CATSPERG: variants seen among roughly 807,000 people sequenced by gnomAD.
The protein encoded by CATSPERG is cation channel sperm-associated auxiliary subunit gamma.
Under a neutral mutation model 145.0 loss-of-function variants are expected in CATSPERG, and 115 were observed. The ratio of observed to expected loss-of-function variants is 0.79; its 90% CI spans 0.68 to 0.93. The LOEUF (loss-of-function observed/expected upper bound fraction) is 0.93. Among genes scored for constraint, CATSPERG ranks in the 40% least tolerant of loss-of-function variants. The pLI, the probability that CATSPERG is intolerant of heterozygous loss-of-function variation, is 0.00. For synonymous variants in CATSPERG, 588 were observed against 589.0 expected (o/e 1.00, Z 0.02); for missense variants, 1,296 against 1,490.1 (o/e 0.87, Z 2.14).
intron 7 of CATSPERG, chr19:38,349,657 T>TTG (rs1408916019): frequency 6.5e-6 from 1 of 152,728 alleles, no homozygotes; most frequent in East Asian, 1.9e-4. Flanking sequence ...TTTTTGTTTG[T>TTG]TTGTTTGTTT....
At chr19:38,369,757 G>A (rs1970513886) in intron 26 of CATSPERG, 1 of 593,276 alleles carries the variant, frequency 1.7e-6, no homozygotes, top group Non-Finnish European at 3.1e-6. Flanking sequence ...ACAGATGGAG[G>A]TGTGAAGGCA....
chr19:38,352,619 T>TTG, intron 8 of CATSPERG, 187 bp downstream of exon 8: 1 of 571,052 alleles, frequency 1.8e-6, no homozygotes, highest in East Asian at 3.1e-5. Context: ...TTTTTTTTTT[T>TTG]GCTGGGATGA....
In CATSPERG at chr19:38,337,432, T is replaced by C. The variant is rs374357740; in HGVS notation, c.198T>C (p.Phe66=). Residue 66 remains phenylalanine (F), a synonymous_variant, in exon 2 of 29, where the codon TTT becomes TTC. Transcript: ENST00000409235. The part of the protein sequence containing the change: ...VGESGVSDSF[F]EQEPVDTVSS... ...AGAGTGGTGTGAGCGACAGCTTCTTTGAGCAAGAGCCCGTGGACACAGTGA... is the reference window on the plus strand; with the variant it reads ...AGAGTGGTGTGAGCGACAGCTTCTTCGAGCAAGAGCCCGTGGACACAGTGA... 7 of 1,551,886 alleles carry C rather than the reference T, an allele frequency of 4.5e-6. No homozygotes were observed. Among genetic ancestry groups the C allele is most frequent in the East Asian group, 2.4e-5 (1 of 40,930 alleles).
intron 6 of CATSPERG, among the ~76,000 whole-genome samples, chr19:38,345,109 T>A (rs1407226812): frequency 1.3e-5 from 2 of 151,260 alleles, no homozygotes; most frequent in East Asian, 1.9e-4. Flanking sequence ...TATTATTATT[T>A]TTGAGACAGA....
At chr19:38,359,602 C>G (rs754493547) in intron 14 of CATSPERG, 21 bp downstream of exon 14, 9 of 1,596,284 alleles carry the variant, frequency 5.6e-6, no homozygotes, top group Non-Finnish European at 6.8e-6. Flanking sequence ...CCGCCCCTCT[C>G]CCCGTTCCCT....
chr19:38,358,195 T>G, intron 11 of CATSPERG, 83 bp from the exon 12 acceptor site: 4 of 1,412,646 alleles, frequency 2.8e-6, no homozygotes, highest in Non-Finnish European at 4.0e-6. Context: ...TACAGGAGGC[T>G]GAGAAGCAAA....
chr19:38,355,410 A>T (rs1970226330), intron 9 of CATSPERG, among the ~76,000 whole-genome samples: 1 of 151,294 alleles, frequency 6.6e-6, no homozygotes, highest in Non-Finnish European at 1.5e-5. Context: ...AAATAATTGA[A>T]GTACAGCTGG....
At chr19:38,351,123 C>T (rs1386760033) in intron 7 of CATSPERG, among the ~76,000 whole-genome samples, 1 of 152,184 alleles carries the variant, frequency 6.6e-6, no homozygotes, top group Non-Finnish European at 1.5e-5. Flanking sequence ...AAGATTCCTT[C>T]CACTTGGTAC....
intron 7 of CATSPERG, chr19:38,349,102 C>T (rs1446782286): frequency 3.3e-5 from 5 of 152,106 alleles, no homozygotes; most frequent in Non-Finnish European, 7.4e-5. Flanking sequence ...GTAGAAACTA[C>T]AAGAAGATCC....
Position 38,360,859 on chromosome 19 carries a change from A to G in CATSPERG, c.1880+16A>G, listed in dbSNP as rs1210916704. 6.3e-7 allele frequency: 1 copy of G among 1,589,248 alleles called. No individual in the cohort carries two copies. The highest frequency in any genetic ancestry group is 8.6e-7 in the Non-Finnish European group (1 of 1,163,188). On this transcript the variant is annotated intron_variant, in intron 16 of 28. Coordinates refer to ENST00000409235, the MANE Select transcript of CATSPERG (RefSeq NM_021185.5). ...AGCGGAAAGGGTGAGAAGACACCGGACCATGACAGGGGTCTGAGGGCTCCC... is the reference window on the plus strand; with the variant it reads ...AGCGGAAAGGGTGAGAAGACACCGGGCCATGACAGGGGTCTGAGGGCTCCC...
At chr19:38,363,029 T>C (rs1239650909) in intron 20 of CATSPERG, among the ~76,000 whole-genome samples, 197 bp downstream of exon 20, 1 of 151,786 alleles carries the variant, frequency 6.6e-6, no homozygotes, top group Admixed American at 6.6e-5. Flanking sequence ...CGCACCACAG[T>C]GCCCAGTGAA....
chr19:38,364,997 G>T (rs765824134), intron 21 of CATSPERG, 26 bp downstream of exon 21: 2 of 1,613,322 alleles, frequency 1.2e-6, no homozygotes, highest in Non-Finnish European at 1.7e-6. Context: ...GGAGGGGAGG[G>T]TGCAGGATGG....
At chr19:38,350,832 T>C (rs1970126571) in intron 7 of CATSPERG, among the ~76,000 whole-genome samples, 1 of 151,902 alleles carries the variant, frequency 6.6e-6, no homozygotes. Flanking sequence ...CTACTAAAAA[T>C]ACAAAAATTA....
At chr19:38,342,754 C>A (rs927787439) in intron 3 of CATSPERG, among the ~76,000 whole-genome samples, 1 of 151,872 alleles carries the variant, frequency 6.6e-6, no homozygotes, top group Non-Finnish European at 1.5e-5. Flanking sequence ...GCCTGAGTGC[C>A]GCCTTCTCTC....
At chr19:38,336,474 A>G (rs762557540) in intron 1 of CATSPERG, 68 of 296,470 alleles carry the variant, frequency 2.3e-4, no homozygotes, top group Non-Finnish European at 4.0e-4. Flanking sequence ...CAGAGTGAGG[A>G]GCAAGCCCCG....
At chr19:38,355,034 A>G (rs1034861534) in intron 9 of CATSPERG, among the ~76,000 whole-genome samples, 187 bp downstream of exon 9, 1 of 152,130 alleles carries the variant, frequency 6.6e-6, no homozygotes, top group African/African-American at 2.4e-5. Context: ...TGTATCTTTC[A>G]TGATGTACTT....
intron 1 of CATSPERG, 194 bp downstream of exon 1, chr19:38,336,069 G>C (rs1246426910): frequency 5.0e-6 from 2 of 399,850 alleles, no homozygotes; most frequent in East Asian, 8.7e-5. Context: ...AGGGAAAGGG[G>C]GAGCCGAACG....
rs201509272 is a variant in CATSPERG at position 38,355,351 on chromosome 19, GAACA to G, written c.1135+511_1135+514del. Among the ~76,000 whole-genome samples the G allele has an allele frequency of 3.4e-3, 482 of 141,542 alleles. 15 individuals carry two copies. The East Asian group carries it at 0.098, about 29-fold the overall frequency. The allele number at this position is 141,542 out of a possible 152,430, so 92.9% of individuals were successfully genotyped here. The stretch of plus-strand genomic sequence containing the variant: ...CAGAGTGAGACTCTGTCTCAAAAAC[GAACA>G]AACAAATCCCCCAAAAAAACAAAAA... On this transcript the variant is annotated intron_variant, in intron 9 of 28. Transcript: ENST00000409235.
rs145616447 is a variant in CATSPERG at position 38,361,744 on chromosome 19, C to A, written c.1977C>A (p.Arg659=). The change falls in exon 17 of 29, where the codon CGC becomes CGA. Residue 659 remains arginine, a synonymous_variant. Coordinates refer to ENST00000409235, the MANE Select transcript of CATSPERG (RefSeq NM_021185.5). ...CGCAGAGATACACGCGCCAGGAGCG[C>A]TACCGGGCGCGGCCGCCGCGCGTCC... The part of the protein sequence containing the change: ...PSPQRYTRQE[R]YRARPPRVLE... 0.031 allele frequency: 50,199 copies of A among 1,612,368 alleles called. 900 individuals are homozygous for A. Among genetic ancestry groups the A allele is most frequent in the South Asian group, 0.048 (4,353 of 90,852 alleles).
Sources: gnomAD v4.1 joint callset for allele counts (sites outside exome capture counted in the v4.1 genomes callset) on GRCh38, gnomAD v4.1.1 for gene constraint, MANE v1.5 for transcripts, NCBI Gene and HGNC (gene_info 2026-07-23, HGNC 2026-07-21) for gene names.